COL19A1: variants seen among roughly 807,000 people sequenced by gnomAD.
COL19A1 encodes collagen type XIX alpha 1 chain.
Under a neutral mutation model 190.2 loss-of-function variants are expected in COL19A1, and 159 were observed. That is an observed-to-expected ratio of 0.84 (90% CI 0.73 to 0.95). The LOEUF is 0.95. Ranked by LOEUF, COL19A1 falls within the 40% of genes least tolerant of loss-of-function variation. The pLI, the probability that COL19A1 is intolerant of heterozygous loss-of-function variation, is 0.00. For synonymous variants in COL19A1, 509 were observed against 458.9 expected (o/e 1.11, Z -1.39); for missense variants, 1,418 against 1,431.9 (o/e 0.99, Z 0.16).
intron 2 of COL19A1, among the ~76,000 whole-genome samples, chr6:69,884,501 A>G (rs1768780885): frequency 6.6e-6 from 1 of 152,222 alleles, no homozygotes; most frequent in Non-Finnish European, 1.5e-5. Flanking sequence ...GTGTGTGTTT[A>G]AGCACATGTT....
At chr6:70,102,254 AAG>A in intron 16 of COL19A1, 32 bp downstream of exon 16, 4 of 1,486,420 alleles carry the variant, frequency 2.7e-6, no homozygotes, top group Non-Finnish European at 3.8e-6. Context: ...TGTCCCTTTA[AAG>A]AGTCTGTCTT....
intron 47 of COL19A1, among the ~76,000 whole-genome samples, chr6:70,188,589 A>C (rs16868632): frequency 0.22 from 33,684 of 152,086 alleles, 3,927 homozygotes; most frequent in Non-Finnish European, 0.26. Flanking sequence ...TTTAACATAC[A>C]GGTACTGTCT....
chr6:69,947,477 A>G (rs1036797040), intron 9 of COL19A1, among the ~76,000 whole-genome samples: 5 of 151,970 alleles, frequency 3.3e-5, no homozygotes, highest in African/African-American at 1.2e-4. Context: ...ACCTTGTCGT[A>G]TTTTTCCCTA....
intron 16 of COL19A1, among the ~76,000 whole-genome samples, chr6:70,121,226 C>A (rs781429206): frequency 6.6e-6 from 1 of 152,126 alleles, no homozygotes; most frequent in Non-Finnish European, 1.5e-5. Flanking sequence ...GAAAAGTCTT[C>A]TTTCCTTTCT....
At position 70,074,656 on chromosome 6, in the gene COL19A1, A is replaced by T. The variant is rs555996349; in HGVS notation, c.1224+6180A>T. Among the ~76,000 whole-genome samples the T allele has an allele frequency of 1.1e-4, 16 of 152,290 alleles. No homozygotes were observed. In the East Asian group the frequency reaches 2.9e-3, roughly 28 times the overall value. On this transcript the variant is annotated intron_variant, in intron 15 of 50. Coordinates refer to ENST00000620364, the MANE Select transcript of COL19A1 (RefSeq NM_001858.6). ...ACCACTAACAATTGTCTGCAGTTGC[A>T]CATCCTTACACAGGCTTGAATTTTA... is the stretch of plus-strand genomic sequence containing the variant.
chr6:69,918,122 T>C (rs1771432433), intron 4 of COL19A1, among the ~76,000 whole-genome samples: 1 of 151,716 alleles, frequency 6.6e-6, no homozygotes, highest in African/African-American at 2.4e-5. Context: ...AAGGCAGGAG[T>C]CAGATCACAT....
At chr6:70,004,923 C>A (rs989180912) in intron 11 of COL19A1, among the ~76,000 whole-genome samples, 1 of 151,862 alleles carries the variant, frequency 6.6e-6, no homozygotes, top group African/African-American at 2.4e-5. Flanking sequence ...AGCTCTGCCC[C>A]CCGGGTTCAT....
intron 15 of COL19A1, among the ~76,000 whole-genome samples, chr6:70,081,170 T>G (rs1782224758): frequency 6.6e-6 from 1 of 152,176 alleles, no homozygotes; most frequent in South Asian, 2.1e-4. Context: ...ATGGAATAGA[T>G]GAATTCCCCA....
chr6:70,054,635 A>C (rs1780391054), intron 14 of COL19A1, among the ~76,000 whole-genome samples: 1 of 152,210 alleles, frequency 6.6e-6, no homozygotes, highest in African/African-American at 2.4e-5. Flanking sequence ...TTTTCAAGTA[A>C]ATTCATTTAC....
chr6:70,034,566 A>G (rs1779242942), intron 13 of COL19A1, among the ~76,000 whole-genome samples: 1 of 152,190 alleles, frequency 6.6e-6, no homozygotes, highest in Non-Finnish European at 1.5e-5. Flanking sequence ...GTATTCAATC[A>G]TCAAATTAGC....
chr6:70,179,153 C>G (rs2150283765), intron 42 of COL19A1, among the ~76,000 whole-genome samples: 1 of 152,332 alleles, frequency 6.6e-6, no homozygotes, highest in East Asian at 1.9e-4. Context: ...GATGCTCTCT[C>G]TAACTTCTGC....
intron 2 of COL19A1, among the ~76,000 whole-genome samples, chr6:69,881,343 T>C (rs2149946240): frequency 6.6e-6 from 1 of 152,368 alleles, no homozygotes; most frequent in East Asian, 1.9e-4. Context: ...GTTATTTTAT[T>C]TTATTGTTTG....
At chr6:69,938,414 C>G (rs539278648) in intron 9 of COL19A1, among the ~76,000 whole-genome samples, 98 of 152,062 alleles carry the variant, frequency 6.4e-4, no homozygotes, top group Non-Finnish European at 1.1e-3. Flanking sequence ...TTAGCATTCC[C>G]TTCCCCAAAT....
Position 70,180,131 on chromosome 6 carries a change from C to T in COL19A1, c.2668-181C>T, listed in dbSNP as rs6930479. On this transcript the variant is annotated intron_variant, in intron 42 of 50. Coordinates refer to ENST00000620364, the MANE Select transcript of COL19A1 (RefSeq NM_001858.6). ...GAACTCCTGACCTCAAGTGATCCAT[C>T]CACCTCAGCGTCCCAAAGTGCTGGG... 7.4e-3 allele frequency among the ~76,000 whole-genome samples: 1,133 copies of T among 152,290 alleles called. 21 individuals carry two copies. Among genetic ancestry groups the T allele is most frequent in the African/African-American group, 0.026 (1,068 of 41,548 alleles).
intron 14 of COL19A1, among the ~76,000 whole-genome samples, chr6:70,051,313 C>G (rs1780188439): frequency 6.6e-6 from 1 of 152,078 alleles, no homozygotes; most frequent in Admixed American, 6.6e-5. Flanking sequence ...TTTTACCCAA[C>G]TTGAATAATA....
chr6:69,961,118 A>G (rs1774775356), intron 10 of COL19A1, among the ~76,000 whole-genome samples: 1 of 152,208 alleles, frequency 6.6e-6, no homozygotes. Flanking sequence ...TTAGATGCCC[A>G]CCAAAGCCAA....
intron 7 of COL19A1, among the ~76,000 whole-genome samples, chr6:69,933,097 G>C (rs138747712): frequency 3.2e-4 from 48 of 152,188 alleles, no homozygotes; most frequent in African/African-American, 1.0e-3. Flanking sequence ...TTTGAACTCA[G>C]TATAACTTAA....
chr6:70,056,969 A>T (rs781322792), intron 14 of COL19A1, among the ~76,000 whole-genome samples: 1 of 152,148 alleles, frequency 6.6e-6, no homozygotes, highest in Non-Finnish European at 1.5e-5. Context: ...AAATTACTAG[A>T]TTAAGTTTCC....
chr6:69,876,616 A>G (rs1352799837), intron 1 of COL19A1, among the ~76,000 whole-genome samples: 1 of 152,230 alleles, frequency 6.6e-6, no homozygotes, highest in Non-Finnish European at 1.5e-5. Context: ...TAGAGAAGGT[A>G]CATAGCTTTT....
Sources: allele counts gnomAD v4.1 joint callset (sites outside exome capture counted in the v4.1 genomes callset), GRCh38; gene constraint gnomAD v4.1.1; transcripts MANE v1.5; gene names NCBI Gene and HGNC (gene_info 2026-07-23, HGNC 2026-07-21).